Variants in PDZRN4 observed in about 807,000 individuals in gnomAD.
PDZRN4 encodes the protein PDZ domain containing ring finger 4, also known as PDZ domain-containing RING finger protein 4.
In PDZRN4, 70 loss-of-function variants were observed where a neutral mutation model predicts 99.0. The ratio of observed to expected loss-of-function variants is 0.71; its 90% CI spans 0.58 to 0.86. The LOEUF is 0.86. Among genes scored for constraint, PDZRN4 ranks in the 40% least tolerant of loss-of-function variants. PDZRN4 has a pLI of 0.00. For missense variants in PDZRN4, 1,474 were observed against 1,331.2 expected (o/e 1.11, Z -1.67); for synonymous variants, 551 against 501.6 (o/e 1.10, Z -1.32).
chr12:41,425,621 A>G (rs748489363), intron 3 of PDZRN4, among the ~76,000 whole-genome samples: 4 of 152,168 alleles, frequency 2.6e-5, no homozygotes, highest in African/African-American at 9.7e-5. Flanking sequence ...GTGCTATAAA[A>G]TAAAGCCAGA....
At chr12:41,568,961 T>C (rs1939428151) in intron 9 of PDZRN4, among the ~76,000 whole-genome samples, 1 of 150,240 alleles carries the variant, frequency 6.7e-6, no homozygotes, top group Non-Finnish European at 1.5e-5. Context: ...CCCACCACCA[T>C]GCCCAGCTAA....
At chr12:41,304,660 A>G (rs369223771) in intron 3 of PDZRN4, among the ~76,000 whole-genome samples, 159 of 152,336 alleles carry the variant, frequency 1.0e-3, no homozygotes, top group African/African-American at 3.7e-3. Flanking sequence ...ATTCTGCCAA[A>G]TGCTAGAGAT....
intron 3 of PDZRN4, among the ~76,000 whole-genome samples, chr12:41,254,034 CGTGTGTGT>C (rs3042934): frequency 4.7e-5 from 7 of 149,260 alleles, no homozygotes; most frequent in Non-Finnish European, 7.4e-5. Flanking sequence ...TATGTGTGTG[CGTGTGTGT>C]GTGTGTGTGT....
At chr12:41,331,052 T>C (rs1269886907) in intron 3 of PDZRN4, among the ~76,000 whole-genome samples, 1 of 152,126 alleles carries the variant, frequency 6.6e-6, no homozygotes, top group Non-Finnish European at 1.5e-5. Context: ...AAAATCTGAA[T>C]AGACTTTGGG....
intron 7 of PDZRN4, among the ~76,000 whole-genome samples, chr12:41,556,040 C>T (rs1939156008): frequency 6.6e-6 from 1 of 152,200 alleles, no homozygotes; most frequent in Non-Finnish European, 1.5e-5. Context: ...GCATAACCTC[C>T]TCTCATCCTA....
At chr12:41,334,898 G>A (rs1386258353) in intron 3 of PDZRN4, among the ~76,000 whole-genome samples, 1 of 151,852 alleles carries the variant, frequency 6.6e-6, no homozygotes, top group Non-Finnish European at 1.5e-5. Flanking sequence ...TTAAAAGTCA[G>A]ACTGAAATAT....
intron 3 of PDZRN4, among the ~76,000 whole-genome samples, chr12:41,452,871 A>G (rs1400803551): frequency 1.3e-5 from 2 of 152,124 alleles, no homozygotes; most frequent in Non-Finnish European, 2.9e-5. Context: ...GTCTTAGGTT[A>G]AGTGGCCCCA....
chr12:41,246,900 T>C (rs954510427), intron 3 of PDZRN4, among the ~76,000 whole-genome samples: 3 of 152,218 alleles, frequency 2.0e-5, no homozygotes, highest in Non-Finnish European at 4.4e-5. Flanking sequence ...TTCTATTTAC[T>C]CTGAAAGGTA....
chr12:41,560,954 A>G (rs2120827068), intron 7 of PDZRN4, among the ~76,000 whole-genome samples: 1 of 152,316 alleles, frequency 6.6e-6, no homozygotes, highest in South Asian at 2.1e-4. Context: ...TTTTAATGAC[A>G]GATTTCTGTG....
chr12:41,276,777 G>T (rs1323059031), intron 3 of PDZRN4, among the ~76,000 whole-genome samples: 1 of 152,114 alleles, frequency 6.6e-6, no homozygotes, highest in African/African-American at 2.4e-5. Flanking sequence ...TGTATGTAAA[G>T]TACTAAGCAA....
intron 3 of PDZRN4, among the ~76,000 whole-genome samples, chr12:41,452,332 G>A (rs902034105): frequency 2.0e-5 from 3 of 151,584 alleles, no homozygotes; most frequent in Non-Finnish European, 4.4e-5. Context: ...CCAGCTACAC[G>A]GGAGGCTGAG....
intron 7 of PDZRN4, 111 bp downstream of exon 7, chr12:41,555,871 T>C: frequency 1.1e-6 from 1 of 883,668 alleles, no homozygotes; most frequent in Non-Finnish European, 1.8e-6. Flanking sequence ...TTTTGGATAC[T>C]AACATCTACA....
intron 3 of PDZRN4, among the ~76,000 whole-genome samples, chr12:41,224,291 A>T (rs772865741): frequency 2.3e-4 from 35 of 152,212 alleles, no homozygotes; most frequent in Non-Finnish European, 8.8e-5. Flanking sequence ...AGATTATGTT[A>T]CTTGCCCCAT....
intron 3 of PDZRN4, among the ~76,000 whole-genome samples, chr12:41,209,671 T>C (rs1950875484): frequency 6.6e-6 from 1 of 151,176 alleles, no homozygotes; most frequent in African/African-American, 2.4e-5. Flanking sequence ...ACAAAGGACA[T>C]GAACTCATCC....
At chr12:41,541,556 C>G (rs1453095075) in intron 5 of PDZRN4, among the ~76,000 whole-genome samples, 1 of 151,582 alleles carries the variant, frequency 6.6e-6, no homozygotes, top group Admixed American at 6.6e-5. Context: ...TGGATTCACA[C>G]CATTCTCCAG....
intron 3 of PDZRN4, chr12:41,409,776 A>G (rs1952380127): frequency 6.6e-6 from 1 of 152,200 alleles, no homozygotes; most frequent in Non-Finnish European, 1.5e-5. Context: ...ACTGAAATCA[A>G]TGTGTCAGAT....
chr12:41,410,206 C>A (rs927147376), intron 3 of PDZRN4, among the ~76,000 whole-genome samples: 12 of 152,134 alleles, frequency 7.9e-5, no homozygotes, highest in Admixed American at 2.0e-4. Context: ...TAATTTCTAA[C>A]ACGATTTTTC....
chr12:41,545,092 A>G (rs1367464490), intron 5 of PDZRN4, among the ~76,000 whole-genome samples: 1 of 152,204 alleles, frequency 6.6e-6, no homozygotes, highest in Non-Finnish European at 1.5e-5. Flanking sequence ...CTAGTGCTGA[A>G]GTCATCTTTC....
In PDZRN4 at chr12:41,573,377, TCA is replaced by T. The variant is rs1380482500; in HGVS notation, c.2599_2600del (p.Gln867GlufsTer27). Reference sequence around the variant, plus strand: ...AACAGAAATCTGCAGTCGAGTATGCTCAGAGTCAGCTCAGCTTGGTGAGCATG... The same window carrying T: ...AACAGAAATCTGCAGTCGAGTATGCTGAGTCAGCTCAGCTTGGTGAGCATG... ...IQQKSAVEYA[Q>X]SQLSLVSMCK... On this transcript the variant is annotated frameshift_variant, in exon 10 of 10. Transcript: ENST00000402685. LOFTEE classifies it high-confidence loss of function. The T allele has an allele frequency of 1.2e-6, 2 of 1,613,252 alleles. No individual in the cohort carries two copies. The highest frequency in any genetic ancestry group is 2.7e-5 in the African/African-American group (2 of 74,860).
Sources: allele counts gnomAD v4.1 joint callset (sites outside exome capture counted in the v4.1 genomes callset), GRCh38; gene constraint gnomAD v4.1.1; transcripts MANE v1.5; gene names NCBI Gene and HGNC (gene_info 2026-07-23, HGNC 2026-07-21).